Variants in IKBKB-DT observed in about 807,000 individuals in gnomAD.
IKBKB-DT encodes IKBKB divergent transcript, also known as IKBKB antisense RNA.
chr8:42,265,143 G>T (rs7827225), intron 2 of IKBKB-DT, among the ~76,000 whole-genome samples: 8,664 of 152,222 alleles, frequency 0.057, 760 homozygotes, highest in African/African-American at 0.19. Flanking sequence ...GATTACAGGC[G>T]TGAGCCATCG....
At chr8:42,248,196 T>C (rs1244225628) in intron 3 of IKBKB-DT, among the ~76,000 whole-genome samples, 1 of 152,108 alleles carries the variant, frequency 6.6e-6, no homozygotes, top group Non-Finnish European at 1.5e-5. Flanking sequence ...CCTCCTTCAT[T>C]TACAAATTAC....
Position 42,251,828 on chromosome 8 carries a change from C to CAAAAAAAAAAAAAAAAAAAAA in IKBKB-DT, n.1529+11500_1529+11501insTTTTTTTTTTTTTTTTTTTTT, listed in dbSNP as rs59420104. 2.1e-4 allele frequency among the ~76,000 whole-genome samples: 19 copies of CAAAAAAAAAAAAAAAAAAAAA among 91,450 alleles called. 1 individual carries two copies. The highest frequency in any genetic ancestry group is 7.4e-4 in the African/African-American group (19 of 25,780). The allele number at this position is 91,450 out of a possible 152,430, so 60.0% of individuals were successfully genotyped here. A position where few individuals can be genotyped will look rare whatever the true frequency, so the allele number is the denominator to read the frequency against. On this transcript the variant is annotated intron_variant and non_coding_transcript_variant, in intron 3 of 3. Transcript: ENST00000518213. The stretch of plus-strand genomic sequence containing the variant: ...TAGGCAATAGAGCAAGACTCCATCT[C>CAAAAAAAAAAAAAAAAAAAAA]AAAAAAAAAAAAAAAGAAAAGAAAA...
intron 3 of IKBKB-DT, among the ~76,000 whole-genome samples, chr8:42,239,621 T>TATATATATATATATATATATATATAC (rs1806973253): frequency 1.2e-5 from 1 of 84,652 alleles, no homozygotes; most frequent in Non-Finnish European, 2.5e-5. Context: ...AATTTATATA[T>TATATATATATATATATATATATATAC]ATATATATAT....
chr8:42,245,109 G>A (rs978273776), intron 3 of IKBKB-DT, among the ~76,000 whole-genome samples: 2 of 151,658 alleles, frequency 1.3e-5, no homozygotes, highest in African/African-American at 4.8e-5. Flanking sequence ...AAAAAAATTA[G>A]CCAGGCGTGG....
chr8:42,236,616 G>A (rs1806924613), intron 3 of IKBKB-DT, among the ~76,000 whole-genome samples: 1 of 152,144 alleles, frequency 6.6e-6, no homozygotes, highest in Non-Finnish European at 1.5e-5. Flanking sequence ...AATTAGCCGG[G>A]CGTGGTGACG....
chr8:42,270,902 C>A (rs929086310), exon 1 of IKBKB-DT: 1 of 168,346 alleles, frequency 5.9e-6, no homozygotes, highest in Non-Finnish European at 1.3e-5. Context: ...AAGCACCCCC[C>A]AGACAGGGGA....
intron 3 of IKBKB-DT, among the ~76,000 whole-genome samples, chr8:42,239,211 G>C (rs536528302): frequency 1.3e-5 from 2 of 152,114 alleles, no homozygotes; most frequent in African/African-American, 4.8e-5. Context: ...ACTCATCACA[G>C]TTCCTTTGGC....
At chr8:42,244,481 C>T (rs1161209213) in intron 3 of IKBKB-DT, among the ~76,000 whole-genome samples, 3 of 152,130 alleles carry the variant, frequency 2.0e-5, no homozygotes, top group African/African-American at 7.2e-5. Flanking sequence ...TGCCACATTC[C>T]TTTTACTTCT....
intron 3 of IKBKB-DT, among the ~76,000 whole-genome samples, chr8:42,262,426 T>TTTTATTTATTTATTTATTTA (rs57144579): frequency 2.0e-3 from 295 of 144,364 alleles, no homozygotes; most frequent in Non-Finnish European, 2.8e-3. Flanking sequence ...TACCACATTC[T>TTTTATTTATTTATTTATTTA]TTTATTTATT....
At chr8:42,260,011 A>C (rs1347481949) in intron 3 of IKBKB-DT, among the ~76,000 whole-genome samples, 1 of 150,422 alleles carries the variant, frequency 6.6e-6, no homozygotes, top group Non-Finnish European at 1.5e-5. Context: ...AAAAAGAGAG[A>C]GAAAAGAGAG....
intron 3 of IKBKB-DT, among the ~76,000 whole-genome samples, chr8:42,257,808 G>A (rs1040919183): frequency 6.6e-6 from 1 of 151,724 alleles, no homozygotes; most frequent in African/African-American, 2.4e-5. Flanking sequence ...TTTTTTAAAA[G>A]TCAAAAGACT....
At chr8:42,260,391 C>A (rs536861148) in intron 3 of IKBKB-DT, among the ~76,000 whole-genome samples, 1 of 152,212 alleles carries the variant, frequency 6.6e-6, no homozygotes, top group African/African-American at 2.4e-5. Flanking sequence ...CAAGGCCGGG[C>A]GCAGTGGCTC....
intron 3 of IKBKB-DT, among the ~76,000 whole-genome samples, chr8:42,257,001 A>G (rs191219100): frequency 1.1e-3 from 173 of 152,328 alleles, no homozygotes; most frequent in African/African-American, 3.9e-3. Flanking sequence ...TTGTAATACA[A>G]TTGAGAAAAA....
intron 3 of IKBKB-DT, among the ~76,000 whole-genome samples, chr8:42,246,373 A>G (rs1807065080): frequency 6.6e-6 from 1 of 152,198 alleles, no homozygotes; most frequent in Admixed American, 6.5e-5. Flanking sequence ...AAAATTGCAG[A>G]AAAGTTTATC....
intron 3 of IKBKB-DT, among the ~76,000 whole-genome samples, chr8:42,250,193 T>G (rs998535996): frequency 1.3e-5 from 2 of 152,118 alleles, no homozygotes; most frequent in Non-Finnish European, 2.9e-5. Flanking sequence ...GATTGCTTGC[T>G]GCTGGTTGGT....
At chr8:42,255,879 A>G (rs73622118) in intron 3 of IKBKB-DT, among the ~76,000 whole-genome samples, 8,159 of 151,930 alleles carry the variant, frequency 0.054, 697 homozygotes, top group African/African-American at 0.18. Flanking sequence ...CAAAAAAATT[A>G]GTCAGGAGTG....
At chr8:42,248,136 G>A (rs1001778975) in intron 3 of IKBKB-DT, among the ~76,000 whole-genome samples, 1 of 151,586 alleles carries the variant, frequency 6.6e-6, no homozygotes, top group Non-Finnish European at 1.5e-5. Flanking sequence ...CCTTCCACCA[G>A]TAAGTTTCCC....
intron 3 of IKBKB-DT, among the ~76,000 whole-genome samples, chr8:42,244,395 T>G (rs1455314265): frequency 2.0e-5 from 3 of 152,162 alleles, no homozygotes; most frequent in Non-Finnish European, 4.4e-5. Context: ...CACTGTGTCA[T>G]TGGTGGAGAT....
intron 3 of IKBKB-DT, among the ~76,000 whole-genome samples, chr8:42,241,205 C>A (rs968554431): frequency 2.3e-5 from 3 of 128,358 alleles, no homozygotes; most frequent in Non-Finnish European, 3.2e-5. Context: ...ACAGTTGATG[C>A]CTTTAGATAT....
Sources: gnomAD v4.1 joint callset for allele counts (sites outside exome capture counted in the v4.1 genomes callset) on GRCh38, gnomAD v4.1.1 for gene constraint, MANE v1.5 for transcripts, NCBI Gene and HGNC (gene_info 2026-07-23, HGNC 2026-07-21) for gene names.